Variants in DOCK2 observed in about 807,000 individuals in gnomAD.
The protein encoded by DOCK2 is dedicator of cytokinesis protein 2.
Under a neutral mutation model 248.9 loss-of-function variants are expected in DOCK2, and 87 were observed. The observed-to-expected ratio is 0.35, with a 90% confidence interval of 0.29 to 0.42. The LOEUF (loss-of-function observed/expected upper bound fraction) is 0.42. DOCK2 is among the 10% of genes least tolerant of loss of function. The pLI, the probability that DOCK2 is intolerant of heterozygous loss-of-function variation, is 1.00. For synonymous variants in DOCK2, 805 were observed against 821.6 expected (o/e 0.98, Z 0.35); for missense variants, 1,747 against 2,300.2 (o/e 0.76, Z 4.92).
chr5:169,740,132 T>A (rs1469411377), intron 22 of DOCK2, among the ~76,000 whole-genome samples: 2 of 152,250 alleles, frequency 1.3e-5, no homozygotes, highest in Admixed American at 6.5e-5. Flanking sequence ...TGGGCACACA[T>A]CACACACTGT....
intron 27 of DOCK2, among the ~76,000 whole-genome samples, chr5:169,966,038 A>C (rs774722819): frequency 2.7e-4 from 41 of 152,322 alleles, no homozygotes; most frequent in Admixed American, 5.9e-4. Context: ...CTGCCTTCCG[A>C]AGAGCAGGAA....
intron 44 of DOCK2, 70 bp from the exon 45 acceptor site, chr5:170,067,440 T>C: frequency 1.3e-6 from 2 of 1,498,832 alleles, no homozygotes; most frequent in Non-Finnish European, 1.8e-6. Flanking sequence ...GTGAAATCAA[T>C]ACCAATAATA....
intron 26 of DOCK2, among the ~76,000 whole-genome samples, chr5:169,834,101 C>T (rs1170267599): frequency 6.8e-6 from 1 of 147,104 alleles, no homozygotes; most frequent in African/African-American, 2.6e-5. Context: ...GACCACAAGT[C>T]CTACTCACAT....
chr5:169,808,176 C>T (rs1767514988), intron 26 of DOCK2, among the ~76,000 whole-genome samples: 1 of 152,132 alleles, frequency 6.6e-6, no homozygotes, highest in African/African-American at 2.4e-5. Context: ...CATCATGGAA[C>T]AACCCATTGA....
intron 22 of DOCK2, 58 bp from the exon 23 acceptor site, chr5:169,747,338 C>A: frequency 6.7e-7 from 1 of 1,496,884 alleles, no homozygotes; most frequent in Non-Finnish European, 9.1e-7. Flanking sequence ...GCCTAGTACA[C>A]ACTTTTAAAA....
At chr5:169,837,992 T>A (rs184721365) in intron 26 of DOCK2, among the ~76,000 whole-genome samples, 26 of 115,862 alleles carry the variant, frequency 2.2e-4, no homozygotes, top group African/African-American at 9.4e-4. Context: ...GATGTAATCC[T>A]GGAAAAAAAA....
At chr5:169,728,646 A>G (rs891557290) in intron 22 of DOCK2, among the ~76,000 whole-genome samples, 4 of 152,206 alleles carry the variant, frequency 2.6e-5, no homozygotes, top group Non-Finnish European at 1.5e-5. Flanking sequence ...AGAGCTTAGC[A>G]TCTTTCCTAA....
chr5:169,981,530 C>G (rs1453252039), intron 27 of DOCK2, among the ~76,000 whole-genome samples: 7 of 152,082 alleles, frequency 4.6e-5, no homozygotes, highest in Admixed American at 4.6e-4. Context: ...ATTATTATAC[C>G]TGTTATGGTG....
At chr5:169,737,507 A>C (rs1020830259) in intron 22 of DOCK2, among the ~76,000 whole-genome samples, 17 of 152,144 alleles carry the variant, frequency 1.1e-4, no homozygotes, top group African/African-American at 3.6e-4. Flanking sequence ...GTCTTTTTGC[A>C]TGCTAATGAG....
In DOCK2 at chr5:169,690,599, A is replaced by T. The variant is rs370050567; in HGVS notation, c.843+1266A>T. On this transcript the variant is annotated intron_variant, in intron 9 of 51. Transcript: ENST00000520908. The stretch of plus-strand genomic sequence containing the variant: ...ATATAGATGTGCCTCCATCCTGTTT[A>T]TCTGTTATTAGTTACAAGGAGGAGC... Among the ~76,000 whole-genome samples, 11 of 152,334 alleles carry T rather than the reference A, an allele frequency of 7.2e-5. No homozygotes were observed. The East Asian group carries it at 1.2e-3, about 16-fold the overall frequency.
chr5:169,986,023 G>T (rs1778060290), intron 29 of DOCK2, 101 bp downstream of exon 29: 6 of 1,130,596 alleles, frequency 5.3e-6, no homozygotes, highest in African/African-American at 4.7e-5. Flanking sequence ...TTGCTGAAAA[G>T]AAATTAAAGT....
At chr5:170,013,564 G>A (rs1378894365) in intron 32 of DOCK2, among the ~76,000 whole-genome samples, 1 of 151,920 alleles carries the variant, frequency 6.6e-6, no homozygotes, top group Non-Finnish European at 1.5e-5. Flanking sequence ...CATGAACCAA[G>A]GAATGCAGGG....
chr5:170,076,690 C>G (rs1757852079), intron 47 of DOCK2, among the ~76,000 whole-genome samples: 1 of 152,234 alleles, frequency 6.6e-6, no homozygotes, highest in Non-Finnish European at 1.5e-5. Flanking sequence ...TTAAAACCAT[C>G]TGGTCCAGCC....
At chr5:169,867,646 A>G (rs1483725609) in intron 27 of DOCK2, among the ~76,000 whole-genome samples, 3 of 151,598 alleles carry the variant, frequency 2.0e-5, no homozygotes, top group Admixed American at 1.3e-4. Context: ...CTATCTATCT[A>G]TCTACCTCTA....
chr5:169,739,996 G>T (rs1763227791), intron 22 of DOCK2, among the ~76,000 whole-genome samples: 1 of 152,144 alleles, frequency 6.6e-6, no homozygotes, highest in Non-Finnish European at 1.5e-5. Context: ...ATATTGGGGG[G>T]AAAAACCCTA....
intron 25 of DOCK2, among the ~76,000 whole-genome samples, chr5:169,795,649 T>TG (rs1746245879): frequency 1.3e-5 from 2 of 152,140 alleles, no homozygotes; most frequent in Admixed American, 6.5e-5. Context: ...GGAGGGAGGT[T>TG]GTGAGAACAA....
At chr5:169,736,328 G>A (rs746921909) in intron 22 of DOCK2, among the ~76,000 whole-genome samples, 1 of 152,198 alleles carries the variant, frequency 6.6e-6, no homozygotes, top group Non-Finnish European at 1.5e-5. Flanking sequence ...TCTGGTAGCT[G>A]AAATGCAGCC....
intron 26 of DOCK2, among the ~76,000 whole-genome samples, chr5:169,811,510 A>G (rs1767754832): frequency 1.3e-5 from 2 of 152,338 alleles, no homozygotes; most frequent in Non-Finnish European, 2.9e-5. Context: ...AGGTTGAAAT[A>G]CATGAGATCA....
chr5:169,930,765 G>T (rs1273298894), intron 27 of DOCK2, among the ~76,000 whole-genome samples: 1 of 152,186 alleles, frequency 6.6e-6, no homozygotes, highest in Non-Finnish European at 1.5e-5. Context: ...GGCACTGTGG[G>T]TGAGCCTCCA....
Sources: allele counts gnomAD v4.1 joint callset (sites outside exome capture counted in the v4.1 genomes callset), GRCh38; gene constraint gnomAD v4.1.1; transcripts MANE v1.5; gene names NCBI Gene and HGNC (gene_info 2026-07-23, HGNC 2026-07-21).